Variants in ADORA2B observed in about 807,000 individuals in gnomAD.
The protein encoded by ADORA2B is adenosine receptor A2b.
In ADORA2B, 18 loss-of-function variants were observed where a neutral mutation model predicts 20.8. That is an observed-to-expected ratio of 0.87 (90% CI 0.60 to 1.29). ADORA2B has a LOEUF of 1.29. ADORA2B is among the 50% of genes most tolerant of loss of function. The pLI is 0.00. For synonymous variants in ADORA2B, 179 were observed against 178.3 expected, an observed-to-expected ratio of 1.00 and a Z score of -0.03; for missense variants, 441 against 422.7, an observed-to-expected ratio of 1.04 and a Z score of -0.38.
At chr17:15,873,223 C>G in the ADORA2B span, among the ~76,000 whole-genome samples, 1 of 151,962 alleles carries the variant, frequency 6.6e-6, no homozygotes, top group African/African-American at 2.4e-5. Context: ...ATGTATCTAT[C>G]AACTTATACA....
chr17:15,941,480 C>A (rs1033052682), upstream of ADORA2B, among the ~76,000 whole-genome samples: 2 of 152,162 alleles, frequency 1.3e-5, no homozygotes, highest in Non-Finnish European at 2.9e-5. Flanking sequence ...GTAATCCCGG[C>A]ACTTTGGGAG....
chr17:15,923,429 G>C, the ADORA2B span, among the ~76,000 whole-genome samples: 1 of 147,974 alleles, frequency 6.8e-6, no homozygotes, highest in African/African-American at 2.5e-5. Flanking sequence ...TTTTGAGATG[G>C]AGTCTCGCTC....
At chr17:15,946,890 C>T (rs1391098998) in intron 1 of ADORA2B, among the ~76,000 whole-genome samples, 1 of 152,160 alleles carries the variant, frequency 6.6e-6, no homozygotes, top group Non-Finnish European at 1.5e-5. Flanking sequence ...GGAGGAGGAG[C>T]CTGCCTGCAG....
chr17:15,863,848 T>A, the ADORA2B span, among the ~76,000 whole-genome samples: 1 of 152,192 alleles, frequency 6.6e-6, no homozygotes, highest in Non-Finnish European at 1.5e-5. Flanking sequence ...CTCCCCAGAC[T>A]CATGACAGTC....
the ADORA2B span, among the ~76,000 whole-genome samples, chr17:15,920,460 C>T: frequency 4.6e-5 from 7 of 152,304 alleles, no homozygotes; most frequent in South Asian, 4.1e-4. Context: ...CAGTGGCTCA[C>T]GCCTGTAATC....
chr17:15,947,208 C>G (rs904687648), intron 1 of ADORA2B, among the ~76,000 whole-genome samples: 20 of 152,174 alleles, frequency 1.3e-4, no homozygotes, highest in Non-Finnish European at 8.8e-5. Context: ...CCTTCCCTGC[C>G]TTTTGGTGTC....
chr17:15,872,506 A>G, the ADORA2B span, among the ~76,000 whole-genome samples: 1 of 152,108 alleles, frequency 6.6e-6, no homozygotes, highest in African/African-American at 2.4e-5. Context: ...GGGCAGTATG[A>G]TCATTTTCAC....
At chr17:15,910,945 G>A in the ADORA2B span, among the ~76,000 whole-genome samples, 2 of 152,150 alleles carry the variant, frequency 1.3e-5, no homozygotes, top group Non-Finnish European at 2.9e-5. Context: ...GAATCTTCAG[G>A]GCACCGTTTT....
the ADORA2B span, among the ~76,000 whole-genome samples, chr17:15,901,095 G>T: frequency 6.6e-6 from 1 of 152,078 alleles, no homozygotes; most frequent in Non-Finnish European, 1.5e-5. Flanking sequence ...GCTCCCTCTA[G>T]GGAGGTCACC....
At chr17:15,895,011 G>A in the ADORA2B span, among the ~76,000 whole-genome samples, 1 of 152,144 alleles carries the variant, frequency 6.6e-6, no homozygotes, top group Non-Finnish European at 1.5e-5. Flanking sequence ...TAAGCCAGCA[G>A]GCTAGAATCA....
the ADORA2B span, among the ~76,000 whole-genome samples, chr17:15,911,053 A>G: frequency 1.3e-5 from 2 of 152,196 alleles, no homozygotes; most frequent in Non-Finnish European, 2.9e-5. Context: ...ACTCCAATGC[A>G]CAGCTGCATG....
rs55707398 is a variant in ADORA2B, at chr17:15,975,290, A to G, written c.947A>G (p.Lys316Arg). The G allele has an allele frequency of 6.2e-7, 1 of 1,613,482 alleles. No homozygotes were observed. The highest frequency in any genetic ancestry group is 8.5e-7 in the Non-Finnish European group (1 of 1,180,004). Residue 316 changes from lysine to arginine, a missense_variant, in exon 2 of 2, where the codon AAG becomes AGG. By Grantham distance (26) the Lys-to-Arg change is conservative. Coordinates refer to ENST00000304222, the MANE Select transcript of ADORA2B (RefSeq NM_000676.4). The stretch of plus-strand genomic sequence containing the variant: ...TATCTTCTCTGCCAAGCAGATGTCA[A>G]GAGTGGGAATGGTCAGGCTGGGGTA... ...SRYLLCQADV[K>R]SGNGQAGVQP...
At chr17:15,954,651 C>G (rs1969944910) in intron 1 of ADORA2B, among the ~76,000 whole-genome samples, 1 of 152,166 alleles carries the variant, frequency 6.6e-6, no homozygotes, top group African/African-American at 2.4e-5. Context: ...CCTGTAATCC[C>G]AGCCCTTTGG....
chr17:15,893,006 C>G, the ADORA2B span, among the ~76,000 whole-genome samples: 1 of 152,152 alleles, frequency 6.6e-6, no homozygotes, highest in Non-Finnish European at 1.5e-5. Context: ...TCTACATTCC[C>G]CCGTCTGGAA....
the ADORA2B span, among the ~76,000 whole-genome samples, chr17:15,887,320 G>A: frequency 7.6e-6 from 1 of 131,060 alleles, no homozygotes. Context: ...CAGATAGTGA[G>A]AGGAACCATT....
intron 1 of ADORA2B, among the ~76,000 whole-genome samples, chr17:15,949,161 T>G (rs1347142917): frequency 6.7e-6 from 1 of 148,340 alleles, no homozygotes; most frequent in African/African-American, 2.5e-5. Context: ...TGAGCCAAGA[T>G]CACGCCATTG....
chr17:15,856,508 C>A, the ADORA2B span, among the ~76,000 whole-genome samples: 97 of 151,978 alleles, frequency 6.4e-4, no homozygotes, highest in African/African-American at 2.2e-3. Flanking sequence ...GACTTTGGAA[C>A]TGGGTAACAG....
chr17:15,941,578 A>G (rs984554457), upstream of ADORA2B, among the ~76,000 whole-genome samples: 10 of 152,064 alleles, frequency 6.6e-5, no homozygotes, highest in African/African-American at 2.4e-4. Flanking sequence ...AACATTACAA[A>G]TTAACCAGGC....
the ADORA2B span, among the ~76,000 whole-genome samples, chr17:15,938,901 T>C: frequency 6.6e-6 from 1 of 152,222 alleles, no homozygotes; most frequent in Admixed American, 6.5e-5. Flanking sequence ...CTTTTTTTTG[T>C]ATAGTTACTA....
Sources: gnomAD v4.1 joint callset for allele counts (sites outside exome capture counted in the v4.1 genomes callset) on GRCh38, gnomAD v4.1.1 for gene constraint, MANE v1.5 for transcripts, NCBI Gene and HGNC (gene_info 2026-07-23, HGNC 2026-07-21) for gene names.